The following HOGA1 variants were observed in gnomAD, a reference collection of about 807,000 sequenced individuals.
HOGA1 encodes the protein 4-hydroxy-2-oxoglutarate aldolase, mitochondrial.
A neutral mutation model predicts 34.3 loss-of-function variants in HOGA1; 30 were observed. That is an observed-to-expected ratio of 0.87 (90% CI 0.65 to 1.19). HOGA1 has a LOEUF of 1.19. HOGA1 is among the 50% of genes most tolerant of loss of function. HOGA1 has a pLI of 0.00. For missense variants in HOGA1, 417 were observed against 436.5 expected (o/e 0.96, Z 0.40); for synonymous variants, 161 against 174.0 (o/e 0.93, Z 0.59).
At chr10:97,606,718 G>T (rs2041160902) in intron 6 of HOGA1, among the ~76,000 whole-genome samples, 1 of 152,036 alleles carries the variant, frequency 6.6e-6, no homozygotes, top group Non-Finnish European at 1.5e-5. Context: ...CTTCAAAATT[G>T]TTTTAGTCTA....
chr10:97,596,586 G>A (rs1390308988), intron 1 of HOGA1, among the ~76,000 whole-genome samples: 1 of 152,076 alleles, frequency 6.6e-6, no homozygotes, highest in African/African-American at 2.4e-5. Context: ...GACACAGGGA[G>A]GCCCTTCCTT....
At chr10:97,608,325 A>T (rs1387126319) in intron 6 of HOGA1, among the ~76,000 whole-genome samples, 1 of 152,156 alleles carries the variant, frequency 6.6e-6, no homozygotes, top group Non-Finnish European at 1.5e-5. Context: ...AAAGAAATTT[A>T]AAAAATACAA....
chr10:97,599,471 G>A (rs1416837956), intron 3 of HOGA1: 1 of 745,600 alleles, frequency 1.3e-6, no homozygotes, highest in East Asian at 2.5e-5. Flanking sequence ...GGAACATAAA[G>A]GCCTTAGAAC....
chr10:97,600,429 A>G (rs2041107400), intron 5 of HOGA1: 1 of 543,362 alleles, frequency 1.8e-6, no homozygotes, highest in Admixed American at 3.1e-5. Context: ...CTGAGTCCTG[A>G]GCTCCATGAT....
chr10:97,598,436 A>T lies in HOGA1; in HGVS notation c.212-339A>T, dbSNP rs79748710. ...AACAAAGCTCAAAAAATAGTATTAA[A>T]CAAACAGCAAACTGCAGAAGGCTAT... On this transcript the variant is annotated intron_variant, in intron 1 of 6. Coordinates refer to ENST00000370646, the MANE Select transcript of HOGA1 (RefSeq NM_138413.4). 0.092 allele frequency among the ~76,000 whole-genome samples: 14,016 copies of T among 152,328 alleles called. 668 individuals are homozygous for T. The highest frequency in any genetic ancestry group is 0.13 in the Middle Eastern group (38 of 294).
chr10:97,590,605 G>A, intron 1 of HOGA1: 1 of 1,591,198 alleles, frequency 6.3e-7, no homozygotes, highest in Non-Finnish European at 8.6e-7. Context: ...AACCATGGAT[G>A]GAGACGCCCC....
At chr10:97,587,488 C>T (rs1280344469) in intron 1 of HOGA1, among the ~76,000 whole-genome samples, 2 of 152,070 alleles carry the variant, frequency 1.3e-5, no homozygotes, top group Non-Finnish European at 2.9e-5. Flanking sequence ...AGAGATTCTT[C>T]TGGAAAGCAC....
intron 5 of HOGA1, 29 bp downstream of exon 5, chr10:97,600,192 ATGGGTGACC>A (rs775016553): frequency 6.4e-7 from 1 of 1,574,336 alleles, no homozygotes; most frequent in Non-Finnish European, 8.7e-7. Context: ...TCAAATTGTC[ATGGGTGACC>A]AAGAGATACC....
At chr10:97,600,344 T>C (rs2041106968) in intron 5 of HOGA1, 181 bp downstream of exon 5, 1 of 657,494 alleles carries the variant, frequency 1.5e-6, no homozygotes, top group South Asian at 1.7e-5. Flanking sequence ...CGGGATGCTG[T>C]GAGTAACCTT....
chr10:97,601,119 C>T lies in HOGA1; in HGVS notation c.701-738C>T, dbSNP rs372371593. Among the ~76,000 whole-genome samples the T allele has an allele frequency of 1.1e-4, 17 of 152,250 alleles. No individual in the cohort carries two copies. The East Asian group carries it at 1.5e-3, about 14-fold the overall frequency. Reference sequence around the variant, plus strand: ...GCATCAGGGCCATGCTGCTGTAGCGCGCCTGGGACACATAGTAGGTATTCC... The same window carrying T: ...GCATCAGGGCCATGCTGCTGTAGCGTGCCTGGGACACATAGTAGGTATTCC... On this transcript the variant is annotated intron_variant, in intron 5 of 6. Transcript: ENST00000370646.
At chr10:97,596,395 C>G (rs143469435) in intron 1 of HOGA1, among the ~76,000 whole-genome samples, 1 of 152,178 alleles carries the variant, frequency 6.6e-6, no homozygotes, top group South Asian at 2.1e-4. Context: ...AGAACCTGCC[C>G]CAGCCCAGGA....
chr10:97,602,400 TG>T (rs2041126039), intron 6 of HOGA1: 1 of 985,276 alleles, frequency 1.0e-6, no homozygotes. Context: ...TAGGAATGAC[TG>T]GGGCTGGCAA....
chr10:97,597,991 A>C (rs1016785390), intron 1 of HOGA1, among the ~76,000 whole-genome samples: 1 of 152,238 alleles, frequency 6.6e-6, no homozygotes, highest in Non-Finnish European at 1.5e-5. Context: ...ATGAAGGTGC[A>C]CATAGCTATG....
At chr10:97,589,041 T>C (rs1285978193) in intron 1 of HOGA1, among the ~76,000 whole-genome samples, 1 of 152,100 alleles carries the variant, frequency 6.6e-6, no homozygotes, top group African/African-American at 2.4e-5. Context: ...TCTGGGTTTG[T>C]AGGTGCCTCA....
chr10:97,590,536 C>G, intron 1 of HOGA1: 1 of 1,612,414 alleles, frequency 6.2e-7, no homozygotes, highest in African/African-American at 1.3e-5. Context: ...ACCCAAGCCA[C>G]CAGAGCCACA....
chr10:97,597,443 A>T (rs933769713), intron 1 of HOGA1, among the ~76,000 whole-genome samples: 2 of 152,124 alleles, frequency 1.3e-5, no homozygotes, highest in Non-Finnish European at 2.9e-5. Flanking sequence ...AGAAAGAGAA[A>T]GTTAAGCGGG....
At chr10:97,593,314 A>T (rs2041043075) in intron 1 of HOGA1, among the ~76,000 whole-genome samples, 1 of 151,958 alleles carries the variant, frequency 6.6e-6, no homozygotes, top group Non-Finnish European at 1.5e-5. Flanking sequence ...CATCTCTACT[A>T]AAAATACAAA....
rs574965702 is a variant in HOGA1, at chr10:97,587,807, C to CTTAT, written c.211+2908_211+2911dup. 1.2e-3 allele frequency among the ~76,000 whole-genome samples: 183 copies of CTTAT among 151,832 alleles called. No individual in the cohort carries two copies. The South Asian group carries it at 0.014, about 11-fold the overall frequency. On this transcript the variant is annotated intron_variant, in intron 1 of 6. Coordinates refer to ENST00000370646, the MANE Select transcript of HOGA1 (RefSeq NM_138413.4). ...AGGCGTGAGCCACCGCGCTGGGCCT[C>CTTAT]TTATTTATTTATTTATTTTTAAGAT...
At position 97,599,742 on chromosome 10, in the gene HOGA1, C is replaced by G; in HGVS notation, c.531C>G (p.Asp177Glu). ...LYSVPANTGL[D>E]LPVDAVVTLS... Reference sequence around the variant, plus strand: ...GTGTCCCAGCCAACACAGGGCTGGACCTGCCTGTGGATGCAGTGGTCACGC... The same window carrying G: ...GTGTCCCAGCCAACACAGGGCTGGAGCTGCCTGTGGATGCAGTGGTCACGC... Residue 177 changes from aspartate to glutamate, a missense_variant, in exon 4 of 7, where the codon GAC becomes GAG. Asp to Glu is a conservative substitution (Grantham distance 45, BLOSUM62 2). Transcript: ENST00000370646. 2 of 1,614,214 alleles carry G rather than the reference C, an allele frequency of 1.2e-6. No individual in the cohort carries two copies. The highest frequency in any genetic ancestry group is 2.2e-5 in the South Asian group (2 of 91,086).
Sources: gnomAD v4.1 joint callset for allele counts (sites outside exome capture counted in the v4.1 genomes callset) on GRCh38, gnomAD v4.1.1 for gene constraint, MANE v1.5 for transcripts, NCBI Gene and HGNC (gene_info 2026-07-23, HGNC 2026-07-21) for gene names.